The following DNAI2 variants were observed in gnomAD, a reference collection of about 807,000 sequenced individuals.
DNAI2 encodes the protein dynein, axonemal, intermediate polypeptide 2.
In DNAI2, 63 loss-of-function variants were observed where a neutral mutation model predicts 74.7. The ratio of observed to expected loss-of-function variants is 0.84; its 90% CI spans 0.69 to 1.04. DNAI2 has a LOEUF of 1.04. Ranked by LOEUF, DNAI2 falls within the 50% of genes least tolerant of loss-of-function variation. The pLI is 0.00. For missense variants in DNAI2, 688 were observed against 803.2 expected (o/e 0.86, Z 1.73); for synonymous variants, 289 against 314.9 (o/e 0.92, Z 0.87).
At chr17:74,304,106 AGCCAGAAC>A (rs1249397935) in intron 8 of DNAI2, among the ~76,000 whole-genome samples, 1 of 150,468 alleles carries the variant, frequency 6.6e-6, no homozygotes, top group Admixed American at 6.6e-5. Context: ...TGGGCAATGG[AGCCAGAAC>A]CTGTCTCGAG....
intron 4 of DNAI2, among the ~76,000 whole-genome samples, chr17:74,288,873 C>T (rs1010737219): frequency 6.6e-6 from 1 of 152,062 alleles, no homozygotes; most frequent in African/African-American, 2.4e-5. Flanking sequence ...TGGGGAAATG[C>T]GGAGGGGAAG....
chr17:74,311,950 G>A lies in DNAI2; in HGVS notation c.1495-53G>A, dbSNP rs59728283. ...CCCACCTGGCCCCAGCACTGGAGTC[G>A]CTTGCCATCCTGCCCTCTCCCCACC... On this transcript the variant is annotated intron_variant, in intron 11 of 13. Coordinates refer to ENST00000311014, the MANE Select transcript of DNAI2 (RefSeq NM_023036.6). 0.035 allele frequency: 55,206 copies of A among 1,576,878 alleles called. 1,189 individuals carry two copies. Among genetic ancestry groups the A allele is most frequent in the African/African-American group, 0.084 (6,229 of 74,382 alleles).
chr17:74,305,873 C>T (rs752650994), intron 9 of DNAI2, among the ~76,000 whole-genome samples: 29 of 151,968 alleles, frequency 1.9e-4, no homozygotes, highest in Non-Finnish European at 3.8e-4. Context: ...GATTTTGCCA[C>T]GTTGGCCAGG....
chr17:74,301,461 C>T (rs776295366), intron 8 of DNAI2, among the ~76,000 whole-genome samples: 14 of 152,174 alleles, frequency 9.2e-5, no homozygotes, highest in Admixed American at 3.3e-4. Context: ...CAGAAAAGCC[C>T]TGTTTTGTGG....
Position 74,299,824 on chromosome 17 carries a change from C to T in DNAI2, c.831C>T (p.Gly277=), listed in dbSNP as rs757613765. The T allele has an allele frequency of 1.2e-6, 2 of 1,613,584 alleles. No individual in the cohort carries two copies. The highest frequency in any genetic ancestry group is 1.1e-5 in the South Asian group (1 of 91,068). Residue 277 remains glycine, a synonymous_variant, in exon 7 of 14, where the codon GGC becomes GGT. Transcript: ENST00000311014. The part of the protein sequence containing the change: ...YGTIWLQSKT[G]TECFSASTDG... Reference sequence around the variant, plus strand: ...CCATCTGGCTGCAGTCGAAGACGGGCACCGAGTGCTTCTCAGCTTCCACGG... The same window carrying T: ...CCATCTGGCTGCAGTCGAAGACGGGTACCGAGTGCTTCTCAGCTTCCACGG...
At chr17:74,309,987 C>G (rs1190573787) in intron 10 of DNAI2, 30 bp from the exon 11 acceptor site, 1 of 1,612,374 alleles carries the variant, frequency 6.2e-7, no homozygotes, top group Non-Finnish European at 8.5e-7. Flanking sequence ...CCTCTCTCCT[C>G]TACCTGGGTC....
intron 6 of DNAI2, among the ~76,000 whole-genome samples, chr17:74,292,054 A>G (rs1181506828): frequency 6.6e-6 from 1 of 152,004 alleles, no homozygotes; most frequent in African/African-American, 2.4e-5. Context: ...CAGTAGAGTT[A>G]GGGTTTCACT....
chr17:74,292,725 T>C (rs1276854813), intron 6 of DNAI2, among the ~76,000 whole-genome samples: 2 of 151,900 alleles, frequency 1.3e-5, no homozygotes, highest in East Asian at 3.9e-4. Flanking sequence ...TTTCAGTCTT[T>C]TAAAATTTAT....
chr17:74,291,343 T>G (rs2143954782), intron 6 of DNAI2, among the ~76,000 whole-genome samples: 1 of 152,206 alleles, frequency 6.6e-6, no homozygotes, highest in Non-Finnish European at 1.5e-5. Flanking sequence ...TTGTTATTTT[T>G]AGTAGAGACA....
At chr17:74,301,732 G>A (rs899997997) in intron 8 of DNAI2, among the ~76,000 whole-genome samples, 1 of 151,450 alleles carries the variant, frequency 6.6e-6, no homozygotes, top group African/African-American at 2.4e-5. Context: ...CCAGCACTTT[G>A]GGAGGCCAAG....
At chr17:74,284,138 CAA>C (rs545732470) in intron 2 of DNAI2, among the ~76,000 whole-genome samples, 50 of 72,346 alleles carry the variant, frequency 6.9e-4, no homozygotes, top group African/African-American at 1.2e-3. Flanking sequence ...AACTCCTTTT[CAA>C]AAAAAAAAAA....
At position 74,291,025 on chromosome 17, in the gene DNAI2, C is replaced by T. The variant is rs140145001; in HGVS notation, c.616C>T (p.Pro206Ser). Residue 206 changes from proline (P) to serine (S), a missense_variant, in exon 6 of 14, where the codon CCC becomes TCC. Coordinates refer to ENST00000311014, the MANE Select transcript of DNAI2 (RefSeq NM_023036.6). ...SDSYIWDLEN[P>S]NKPELALKPS... ...AATTTTTTTGTGCTTTATAGAAAAC[C>T]CCAACAAGCCTGAACTTGCTCTGAA... 1.4e-5 allele frequency: 22 copies of T among 1,613,990 alleles called. No individual in the cohort carries two copies. The highest frequency in any genetic ancestry group is 9.3e-5 in the African/African-American group (7 of 74,908).
intron 2 of DNAI2, among the ~76,000 whole-genome samples, chr17:74,284,559 C>T (rs1444194014): frequency 2.6e-5 from 4 of 152,028 alleles, no homozygotes; most frequent in Admixed American, 2.6e-4. Flanking sequence ...ACTACAGGCG[C>T]CCACCACCAC....
At chr17:74,278,199 G>T (rs182407881) in intron 1 of DNAI2, among the ~76,000 whole-genome samples, 129 of 152,142 alleles carry the variant, frequency 8.5e-4, no homozygotes, top group Non-Finnish European at 1.6e-3. Context: ...GGAGGCTGAG[G>T]CAGGAGGATC....
intron 1 of DNAI2, chr17:74,281,578 CAGAG>C: frequency 1.7e-6 from 1 of 597,792 alleles, no homozygotes; most frequent in Non-Finnish European, 3.0e-6. Flanking sequence ...TTGCCCTCCT[CAGAG>C]AGCAACTGCA....
Position 74,287,022 on chromosome 17 carries a change from GA to G in DNAI2, c.393del (p.Glu132SerfsTer11). 1 of 1,613,868 alleles carries G rather than the reference GA, an allele frequency of 6.2e-7. No homozygotes were observed. Among genetic ancestry groups the G allele is most frequent in the Non-Finnish European group, 8.5e-7 (1 of 1,179,812 alleles). On this transcript the variant is annotated frameshift_variant, in exon 4 of 14. Coordinates refer to ENST00000311014, the MANE Select transcript of DNAI2 (RefSeq NM_023036.6). LOFTEE classifies it high-confidence loss of function. The stretch of plus-strand genomic sequence containing the variant: ...GCAGAACAATGCCATTGACATCTAT[GA>G]AGAGTATTTCAATGACGAGGAGGCC... ...IKQNNAIDIY[E>X]EYFNDEEAME...
At chr17:74,307,069 C>T (rs961319412) in intron 9 of DNAI2, 10 of 323,028 alleles carry the variant, frequency 3.1e-5, no homozygotes, top group Non-Finnish European at 5.6e-5. Flanking sequence ...AAACCTGGTT[C>T]GATGTCCTCA....
chr17:74,287,647 A>G (rs998310213), intron 4 of DNAI2, among the ~76,000 whole-genome samples: 1 of 152,184 alleles, frequency 6.6e-6, no homozygotes, highest in Non-Finnish European at 1.5e-5. Flanking sequence ...ACGGAATGCC[A>G]TGCACCTGGT....
intron 9 of DNAI2, among the ~76,000 whole-genome samples, chr17:74,307,694 T>C (rs921484537): frequency 1.3e-5 from 2 of 148,892 alleles, no homozygotes; most frequent in African/African-American, 2.6e-5. Flanking sequence ...CTTAGTTAAA[T>C]CTGAATTTTA....
Sources: allele counts gnomAD v4.1 joint callset (sites outside exome capture counted in the v4.1 genomes callset), GRCh38; gene constraint gnomAD v4.1.1; transcripts MANE v1.5; gene names NCBI Gene and HGNC (gene_info 2026-07-23, HGNC 2026-07-21).